TRIM51G: variants seen among roughly 807,000 people sequenced by gnomAD.
The protein encoded by TRIM51G is tripartite motif-containing protein 51G.
At chr11:48,978,172 A>T in the TRIM51G span, 2 of 532,232 alleles carry the variant, frequency 3.8e-6, no homozygotes, top group Non-Finnish European at 7.7e-6. Context: ...TGTAAAAAAA[A>T]TAGAAAGGCT....
chr11:48,982,869 A>C, the TRIM51G span, among the ~76,000 whole-genome samples: 1 of 128,580 alleles, frequency 7.8e-6, no homozygotes, highest in Admixed American at 8.4e-5. Flanking sequence ...TATGGTATAC[A>C]GTATAGCATA....
chr11:48,981,495 G>T, the TRIM51G span: 2 of 1,606,526 alleles, frequency 1.2e-6, no homozygotes, highest in Non-Finnish European at 8.5e-7. Context: ...TCAAACAAAT[G>T]TTAGTTTTGA....
the TRIM51G span, among the ~76,000 whole-genome samples, chr11:48,982,946 G>GGTGTGTGT: frequency 0.35 from 15,976 of 45,924 alleles, 81 homozygotes; most frequent in Non-Finnish European, 0.43. Flanking sequence ...AAGTATTTTT[G>GGTGTGTGT]GTATATATAC....
the TRIM51G span, among the ~76,000 whole-genome samples, chr11:48,977,935 T>A: frequency 8.6e-5 from 13 of 151,624 alleles, no homozygotes; most frequent in Admixed American, 8.6e-4. Flanking sequence ...TATTTTTGGT[T>A]TTGCAGAACT....
At chr11:48,981,359 A>G in the TRIM51G span, 1 of 1,607,492 alleles carries the variant, frequency 6.2e-7, no homozygotes, top group Non-Finnish European at 8.5e-7. Context: ...GAGCACAGCA[A>G]ACAGAGCAGG....
chr11:48,975,978 A>G, the TRIM51G span: 6 of 698,414 alleles, frequency 8.6e-6, no homozygotes, highest in East Asian at 1.4e-4. Context: ...TGGCTCTTGC[A>G]TGCTGCAGAG....
At chr11:48,977,583 C>A in the TRIM51G span, among the ~76,000 whole-genome samples, 3 of 152,114 alleles carry the variant, frequency 2.0e-5, no homozygotes, top group African/African-American at 7.2e-5. Flanking sequence ...GAAACGTGCT[C>A]CAGGCAGGGA....
chr11:48,976,220 T>A, the TRIM51G span, among the ~76,000 whole-genome samples: 1 of 152,122 alleles, frequency 6.6e-6, no homozygotes, highest in East Asian at 1.9e-4. Context: ...TATTGAAAAC[T>A]TAAAAACTGA....
At chr11:48,975,518 T>C in the TRIM51G span, 2 of 1,393,752 alleles carry the variant, frequency 1.4e-6, no homozygotes, top group South Asian at 1.2e-5. Flanking sequence ...CTACAGCAAA[T>C]GATAGGCCAG....
At chr11:48,980,062 A>C in the TRIM51G span, among the ~76,000 whole-genome samples, 64 of 151,900 alleles carry the variant, frequency 4.2e-4, no homozygotes, top group African/African-American at 1.5e-3. Flanking sequence ...ACTCTAACAC[A>C]TCATATACAT....
chr11:48,979,802 CAT>C, the TRIM51G span, among the ~76,000 whole-genome samples: 28,304 of 147,490 alleles, frequency 0.19, 3,012 homozygotes, highest in South Asian at 0.42. Context: ...CATATATATC[CAT>C]ATATATATAT....
At chr11:48,977,221 A>G in the TRIM51G span, 1 of 879,654 alleles carries the variant, frequency 1.1e-6, no homozygotes, top group Non-Finnish European at 1.9e-6. Flanking sequence ...TCAACAGCCA[A>G]AAAAATACAT....
chr11:48,975,878 A>G, the TRIM51G span: 1 of 862,614 alleles, frequency 1.2e-6, no homozygotes, highest in Non-Finnish European at 2.0e-6. Flanking sequence ...TGAAGAAAAC[A>G]TTCAGATTTA....
chr11:48,979,977 C>A, the TRIM51G span, among the ~76,000 whole-genome samples: 1 of 151,826 alleles, frequency 6.6e-6, no homozygotes, highest in African/African-American at 2.4e-5. Flanking sequence ...AAAACTCAAA[C>A]CCTCATCCCC....
At chr11:48,981,216 C>T in the TRIM51G span, 13 of 1,585,314 alleles carry the variant, frequency 8.2e-6, no homozygotes, top group South Asian at 1.1e-5. Context: ...CATCCAATCT[C>T]GAAGGAAATA....
At chr11:48,977,874 T>TA in the TRIM51G span, among the ~76,000 whole-genome samples, 4 of 147,818 alleles carry the variant, frequency 2.7e-5, no homozygotes, top group Non-Finnish European at 5.9e-5. Context: ...TTCTTTCATT[T>TA]ATTTATTTTT....
chr11:48,981,249 C>T, the TRIM51G span: 1 of 1,600,450 alleles, frequency 6.2e-7, no homozygotes, highest in Admixed American at 1.7e-5. Flanking sequence ...TTCCATGTGT[C>T]CTGTATAGAA....
At chr11:48,982,732 T>A in the TRIM51G span, among the ~76,000 whole-genome samples, 1 of 150,794 alleles carries the variant, frequency 6.6e-6, no homozygotes, top group African/African-American at 2.4e-5. Context: ...CTTCCTCTCC[T>A]GTACAGTGTC....
chr11:48,977,895 CTTTTTTA>C, the TRIM51G span, among the ~76,000 whole-genome samples: 1 of 99,900 alleles, frequency 1.0e-5, no homozygotes, highest in Admixed American at 1.2e-4. Context: ...TGTTCTCTTT[CTTTTTTA>C]TTTATTTATT....
Sources: gnomAD v4.1 joint callset for allele counts (sites outside exome capture counted in the v4.1 genomes callset) on GRCh38, gnomAD v4.1.1 for gene constraint, MANE v1.5 for transcripts, NCBI Gene and HGNC (gene_info 2026-07-23, HGNC 2026-07-21) for gene names.